The following PRKCE variants were observed in gnomAD, a reference collection of about 807,000 sequenced individuals.
The protein encoded by PRKCE is protein kinase C epsilon type.
In PRKCE, 16 loss-of-function variants were observed where a neutral mutation model predicts 85.4. That is an observed-to-expected ratio of 0.19 (90% CI 0.13 to 0.28). PRKCE has a LOEUF of 0.28. Among genes scored for constraint, PRKCE ranks in the 10% least tolerant of loss-of-function variants. PRKCE has a pLI of 1.00. For missense variants in PRKCE, 573 were observed against 975.2 expected (o/e 0.59, Z 5.49); for synonymous variants, 388 against 371.5 (o/e 1.04, Z -0.51).
intron 11 of PRKCE, among the ~76,000 whole-genome samples, chr2:46,118,771 G>A (rs1249120803): frequency 6.6e-6 from 1 of 152,192 alleles, no homozygotes; most frequent in Non-Finnish European, 1.5e-5. Context: ...CCCTAGAGAT[G>A]GATGGGAGTC....
chr2:45,810,549 C>G (rs576175545), intron 1 of PRKCE, among the ~76,000 whole-genome samples: 4 of 151,930 alleles, frequency 2.6e-5, no homozygotes, highest in Non-Finnish European at 4.4e-5. Flanking sequence ...AACGAATATT[C>G]CACTGCAATG....
At chr2:45,762,310 T>C (rs929270387) in intron 1 of PRKCE, among the ~76,000 whole-genome samples, 1 of 152,212 alleles carries the variant, frequency 6.6e-6, no homozygotes, top group African/African-American at 2.4e-5. Context: ...GGTCTCACTA[T>C]GCTGGGAAAA....
At chr2:45,717,966 G>C (rs1680284126) in intron 1 of PRKCE, among the ~76,000 whole-genome samples, 2 of 152,186 alleles carry the variant, frequency 1.3e-5, no homozygotes, top group South Asian at 4.1e-4. Context: ...GCAAAGATGG[G>C]CCCCCTCAAG....
chr2:45,814,603 C>T (rs765549455), intron 1 of PRKCE, among the ~76,000 whole-genome samples: 1 of 152,212 alleles, frequency 6.6e-6, no homozygotes, highest in African/African-American at 2.4e-5. Flanking sequence ...GATACTCCCT[C>T]ATCACCACCG....
chr2:45,876,498 C>A (rs1205037743), intron 2 of PRKCE, among the ~76,000 whole-genome samples: 3 of 152,164 alleles, frequency 2.0e-5, no homozygotes, highest in African/African-American at 7.2e-5. Context: ...GTCTCCTGTG[C>A]CTCCTCCAAT....
In PRKCE at chr2:45,744,477, C is replaced by CTT. The variant is rs760518752; in HGVS notation, c.348+92031_348+92032dup. On this transcript the variant is annotated intron_variant, in intron 1 of 14. Transcript: ENST00000306156. ...TCTTTCTTTCTTTCTTTCTTTCTTT[C>CTT]TTTCTTTCTTTTTCTTTCTTTCTTT... 6.3e-3 allele frequency among the ~76,000 whole-genome samples: 284 copies of CTT among 45,366 alleles called. 1 individual carries two copies. The highest frequency in any genetic ancestry group is 0.023 in the African/African-American group (268 of 11,424). The allele number at this position is 45,366 out of a possible 152,430, so 29.8% of individuals were successfully genotyped here.
intron 1 of PRKCE, among the ~76,000 whole-genome samples, chr2:45,685,921 T>C (rs1677263843): frequency 6.6e-6 from 1 of 152,226 alleles, no homozygotes; most frequent in Admixed American, 6.5e-5. Flanking sequence ...CCCTGACTAT[T>C]CAGTAGTCAC....
Position 46,017,035 on chromosome 2 carries a change from G to A in PRKCE, c.1437+6518G>A, listed in dbSNP as rs187649767. ...TTATTCACTCCCCCTTTTTTTTTTC[G>A]GAATTTGTTATTGTGGTAAAATACA... is the stretch of plus-strand genomic sequence containing the variant. On this transcript the variant is annotated intron_variant, in intron 10 of 14. Transcript: ENST00000306156. Among the ~76,000 whole-genome samples, 308 of 130,618 alleles carry A rather than the reference G, an allele frequency of 2.4e-3. 3 individuals carry two copies. The highest frequency in any genetic ancestry group is 4.3e-3 in the Middle Eastern group (1 of 230). 85.7% of individuals were successfully genotyped at this position (130,618 alleles called of 152,430 possible).
intron 6 of PRKCE, among the ~76,000 whole-genome samples, chr2:45,988,839 T>C (rs908938756): frequency 6.6e-6 from 1 of 152,160 alleles, no homozygotes; most frequent in Non-Finnish European, 1.5e-5. Context: ...GTTGGAACAG[T>C]GCTGCCTTCT....
chr2:45,793,394 G>A (rs565672018), intron 1 of PRKCE, among the ~76,000 whole-genome samples: 33 of 152,230 alleles, frequency 2.2e-4, no homozygotes, highest in African/African-American at 7.2e-4. Context: ...AAGCTGAGAG[G>A]GGAAGAAAGA....
At chr2:45,850,728 C>T (rs182742933) in intron 2 of PRKCE, among the ~76,000 whole-genome samples, 129 of 152,258 alleles carry the variant, frequency 8.5e-4, no homozygotes, top group African/African-American at 2.9e-3. Flanking sequence ...TTTTATCTTC[C>T]TCCTTTATTT....
intron 2 of PRKCE, among the ~76,000 whole-genome samples, chr2:45,932,887 T>C (rs1026557922): frequency 1.3e-5 from 2 of 152,242 alleles, no homozygotes; most frequent in Admixed American, 1.3e-4. Flanking sequence ...AGTATTTCTT[T>C]TTATGACTGG....
At chr2:46,182,219 C>T (rs1390119585) in intron 14 of PRKCE, among the ~76,000 whole-genome samples, 1 of 152,160 alleles carries the variant, frequency 6.6e-6, no homozygotes, top group African/African-American at 2.4e-5. Context: ...TCGCCAGGCA[C>T]AGAGGGCCCA....
intron 11 of PRKCE, among the ~76,000 whole-genome samples, chr2:46,088,606 A>G (rs1669871801): frequency 6.6e-6 from 1 of 152,196 alleles, no homozygotes; most frequent in Non-Finnish European, 1.5e-5. Flanking sequence ...TGCATAATGA[A>G]TATCAACCAT....
At chr2:45,674,744 A>T (rs778725308) in intron 1 of PRKCE, 2 of 152,252 alleles carry the variant, frequency 1.3e-5, no homozygotes, top group Non-Finnish European at 2.9e-5. Flanking sequence ...AAAAGAGAAG[A>T]TGCTTCCTGA....
intron 2 of PRKCE, among the ~76,000 whole-genome samples, chr2:45,967,698 T>G (rs1051620479): frequency 6.6e-6 from 1 of 152,182 alleles, no homozygotes; most frequent in Non-Finnish European, 1.5e-5. Flanking sequence ...CTCATTTTTT[T>G]TCTTTTTTTC....
intron 1 of PRKCE, among the ~76,000 whole-genome samples, chr2:45,735,477 T>C (rs1681976404): frequency 6.6e-6 from 1 of 152,240 alleles, no homozygotes; most frequent in African/African-American, 2.4e-5. Flanking sequence ...AGGCAAGTCA[T>C]TTGACTTTTC....
chr2:46,007,454 G>C lies in PRKCE; in HGVS notation c.1064-8G>C, dbSNP rs1705302882. On this transcript the variant is annotated splice_region_variant and splice_polypyrimidine_tract_variant and intron_variant, in intron 8 of 14. Transcript: ENST00000306156. ...ACTAATGCAATTTCTTGTTCCCCTT[G>C]GCCCTAGAAATAAAAGAACTTGAGA... 6 of 1,599,680 alleles carry C rather than the reference G, an allele frequency of 3.8e-6. No homozygotes were observed. The highest frequency in any genetic ancestry group is 3.4e-6 in the Non-Finnish European group (4 of 1,179,884).
intron 2 of PRKCE, among the ~76,000 whole-genome samples, chr2:45,864,604 G>A (rs537156672): frequency 1.3e-5 from 2 of 152,128 alleles, no homozygotes; most frequent in Admixed American, 6.6e-5. Context: ...TTATTGGTTT[G>A]TGCTCTTCTG....
Sources: allele counts gnomAD v4.1 joint callset (sites outside exome capture counted in the v4.1 genomes callset), GRCh38; gene constraint gnomAD v4.1.1; transcripts MANE v1.5; gene names NCBI Gene and HGNC (gene_info 2026-07-23, HGNC 2026-07-21).